Variants in DTNA observed in about 807,000 individuals in gnomAD.
The protein encoded by DTNA is dystrophin-related protein 3.
In DTNA, 43 loss-of-function variants were observed where a neutral mutation model predicts 100.7. That is an observed-to-expected ratio of 0.43 (90% CI 0.33 to 0.55). The LOEUF (loss-of-function observed/expected upper bound fraction) is 0.55, where lower values mean the gene tolerates loss of function less well. DTNA is among the 20% of genes least tolerant of loss of function. DTNA has a pLI of 0.04. For missense variants in DTNA, 798 were observed against 953.9 expected (o/e 0.84, Z 2.15); for synonymous variants, 349 against 347.9 (o/e 1.00, Z -0.04).
chr18:34,497,501 G>A (rs146825665), intron 1 of DTNA, among the ~76,000 whole-genome samples: 501 of 152,212 alleles, frequency 3.3e-3, no homozygotes, highest in African/African-American at 0.012. Context: ...GAAACACAAC[G>A]GGGAGAGTAA....
At chr18:34,573,333 T>C (rs74504265) in intron 1 of DTNA, among the ~76,000 whole-genome samples, 15,547 of 152,168 alleles carry the variant, frequency 0.1, 1,154 homozygotes, top group African/African-American at 0.2. Context: ...CAAAACTTTA[T>C]AGCCTCTCCT....
intron 1 of DTNA, among the ~76,000 whole-genome samples, chr18:34,572,128 A>G (rs1422441635): frequency 6.6e-6 from 1 of 152,196 alleles, no homozygotes; most frequent in South Asian, 2.1e-4. Flanking sequence ...GAATGGTAAA[A>G]GTTGTCTACC....
At chr18:34,533,643 T>C (rs2043381542) in intron 1 of DTNA, among the ~76,000 whole-genome samples, 1 of 152,048 alleles carries the variant, frequency 6.6e-6, no homozygotes, top group Non-Finnish European at 1.5e-5. Context: ...AAATTTAGTC[T>C]TTTTTCTCAA....
rs150406755 is a variant in DTNA at position 34,613,626 on chromosome 18, T to A, written c.-2+120112T>A. Among the ~76,000 whole-genome samples, 764 of 152,308 alleles carry A rather than the reference T, an allele frequency of 5.0e-3. 6 individuals are homozygous for A. Among genetic ancestry groups the A allele is most frequent in the African/African-American group, 0.017 (714 of 41,568 alleles). ...TTACCCATCTGGGAGGAAGATCAAA[T>A]TAGCCACAACATTCCCTTAAGCCAG... On this transcript the variant is annotated intron_variant, in intron 1 of 19. Coordinates refer to the DTNA transcript ENST00000283365.
chr18:34,859,333 A>G (rs537581109), intron 16 of DTNA, among the ~76,000 whole-genome samples: 20 of 152,338 alleles, frequency 1.3e-4, no homozygotes, highest in African/African-American at 4.8e-4. Context: ...TATTGAAACG[A>G]AAGTACACTC....
In DTNA at chr18:34,887,699, A is replaced by C. The variant is rs1436720038; in HGVS notation, c.*32-67A>C. 3 of 983,934 alleles carry C rather than the reference A, an allele frequency of 3.0e-6. No individual in the cohort carries two copies. The African/African-American group carries it at 5.2e-5, about 17-fold the overall frequency. The allele number at this position is 983,934 out of a possible 1,614,324, so 61.0% of individuals were successfully genotyped here. ...TATATTGGGGAAAGGGGGGATCCTA[A>C]GTTTCATAACCCTAATTTAGAAACA... On this transcript the variant is annotated intron_variant, in intron 22 of 22. Coordinates refer to ENST00000444659, the MANE Select transcript of DTNA (RefSeq NM_001386795.1).
intron 9 of DTNA, chr18:34,821,236 A>T (rs1220081601): frequency 2.1e-6 from 1 of 485,886 alleles, no homozygotes; most frequent in African/African-American, 2.0e-5. Context: ...GTGGTAAAAA[A>T]TGATTTACAG....
chr18:34,853,611 T>C (rs2096512480), intron 15 of DTNA, among the ~76,000 whole-genome samples: 1 of 152,096 alleles, frequency 6.6e-6, no homozygotes, highest in South Asian at 2.1e-4. Context: ...ACTACTGCTC[T>C]ACTCTGACCC....
At chr18:34,835,327 T>G (rs1603015023) in intron 11 of DTNA, among the ~76,000 whole-genome samples, 1 of 152,230 alleles carries the variant, frequency 6.6e-6, no homozygotes, top group Non-Finnish European at 1.5e-5. Context: ...AATTATTTTT[T>G]CTAAGAATTC....
At chr18:34,756,090 C>T (rs768516128) in intron 2 of DTNA, 47 bp downstream of exon 2, 1 of 1,545,272 alleles carries the variant, frequency 6.5e-7, no homozygotes, top group Non-Finnish European at 8.9e-7. Context: ...CCATTGAATA[C>T]TCATGGAAAG....
At chr18:34,583,378 G>T (rs189770020) in intron 1 of DTNA, among the ~76,000 whole-genome samples, 12 of 152,226 alleles carry the variant, frequency 7.9e-5, no homozygotes, top group Admixed American at 7.8e-4. Flanking sequence ...GATCATTTTG[G>T]AGAGATGTTT....
intron 4 of DTNA, among the ~76,000 whole-genome samples, chr18:34,794,954 G>A (rs2094906473): frequency 2.0e-5 from 3 of 152,188 alleles, no homozygotes; most frequent in Non-Finnish European, 4.4e-5. Flanking sequence ...GTTAGTGGCC[G>A]AGTGGGGACT....
chr18:34,790,567 A>ATATATATATATATATATATTTTTTTT (rs2094687460), intron 3 of DTNA, among the ~76,000 whole-genome samples: 1 of 39,654 alleles, frequency 2.5e-5, no homozygotes, highest in African/African-American at 9.1e-5. Flanking sequence ...ATATATATAT[A>ATATATATATATATATATATTTTTTTT]TTTTTTTTTT....
chr18:34,712,470 A>G (rs1419173393), intron 1 of DTNA, among the ~76,000 whole-genome samples: 1 of 152,148 alleles, frequency 6.6e-6, no homozygotes, highest in Non-Finnish European at 1.5e-5. Context: ...TATTAGAGCT[A>G]CAAGTGTGTA....
intron 1 of DTNA, among the ~76,000 whole-genome samples, chr18:34,580,165 C>T (rs2048478969): frequency 6.6e-6 from 1 of 151,926 alleles, no homozygotes; most frequent in African/African-American, 2.4e-5. Context: ...TTCTGTTTTG[C>T]TCTTTTTGAT....
At chr18:34,667,840 G>C (rs1427293792) in intron 1 of DTNA, among the ~76,000 whole-genome samples, 4 of 152,122 alleles carry the variant, frequency 2.6e-5, no homozygotes, top group African/African-American at 9.7e-5. Context: ...ATTTTATTGA[G>C]GATTTTTGCA....
In DTNA at chr18:34,818,267, C is replaced by T. The variant is rs763237274; in HGVS notation, c.813C>T (p.Phe271=). The part of the protein sequence containing the change: ...CHNYQLCQDC[F]WRGHAGGSHS... Reference sequence around the variant, plus strand: ...ATTACCAGCTCTGTCAGGACTGCTTCTGGAGGGGACATGCCGGTGGTTCTC... The same window carrying T: ...ATTACCAGCTCTGTCAGGACTGCTTTTGGAGGGGACATGCCGGTGGTTCTC... Residue 271 remains phenylalanine, a synonymous_variant, in exon 8 of 23, where the codon TTC becomes TTT. Transcript: ENST00000444659. 1.4e-5 allele frequency: 22 copies of T among 1,614,032 alleles called. No homozygotes were observed. The highest frequency in any genetic ancestry group is 1.8e-5 in the Non-Finnish European group (21 of 1,179,962).
intron 17 of DTNA, chr18:34,866,887 T>C (rs2096711089): frequency 3.7e-6 from 4 of 1,088,162 alleles, no homozygotes; most frequent in Non-Finnish European, 4.4e-6. Context: ...TTTTTTTTTT[T>C]CTGGAAATAG....
At chr18:34,633,224 T>C (rs1305785373) in intron 1 of DTNA, among the ~76,000 whole-genome samples, 1 of 152,152 alleles carries the variant, frequency 6.6e-6, no homozygotes, top group African/African-American at 2.4e-5. Flanking sequence ...AATACAATGC[T>C]AGAGAGGTCT....
Sources: allele counts gnomAD v4.1 joint callset (sites outside exome capture counted in the v4.1 genomes callset), GRCh38; gene constraint gnomAD v4.1.1; transcripts MANE v1.5; gene names NCBI Gene and HGNC (gene_info 2026-07-23, HGNC 2026-07-21).